Variants in TCF4 observed in about 807,000 individuals in gnomAD.
TCF4 encodes transcription factor 4.
A neutral mutation model predicts 82.1 loss-of-function variants in TCF4; 3 were observed. That is an observed-to-expected ratio of 0.04 (90% CI 0.02 to 0.09). The LOEUF (loss-of-function observed/expected upper bound fraction) is 0.09, where lower values mean the gene tolerates loss of function less well. TCF4 is among the 10% of genes least tolerant of loss of function. The probability of loss-of-function intolerance (pLI) is 1.00; values close to 1 mark genes in which losing one functional copy is unlikely to be tolerated. For missense variants in TCF4, 518 were observed against 852.7 expected (o/e 0.61, Z 4.89); for synonymous variants, 276 against 309.6 (o/e 0.89, Z 1.14).
intron 2 of TCF4, among the ~76,000 whole-genome samples, chr18:55,629,715 C>T (rs1317623252): frequency 6.6e-6 from 1 of 152,120 alleles, no homozygotes; most frequent in Non-Finnish European, 1.5e-5. Flanking sequence ...CGTAGAAGTA[C>T]AGAAGAGACC....
chr18:55,391,121 C>A (rs1456436855), intron 6 of TCF4, among the ~76,000 whole-genome samples: 1 of 152,188 alleles, frequency 6.6e-6, no homozygotes, highest in Non-Finnish European at 1.5e-5. Flanking sequence ...CCATACAAAT[C>A]TTTTACCACC....
chr18:55,333,528 T>C (rs544238186), intron 8 of TCF4, among the ~76,000 whole-genome samples: 9 of 152,196 alleles, frequency 5.9e-5, no homozygotes, highest in Admixed American at 5.2e-4. Context: ...TATATCTTAA[T>C]TTCTTTGAAT....
chr18:55,513,149 G>A (rs923271047), intron 3 of TCF4, among the ~76,000 whole-genome samples: 3 of 152,120 alleles, frequency 2.0e-5, no homozygotes, highest in Non-Finnish European at 4.4e-5. Context: ...GCATGAAGAC[G>A]ATAAAACAGC....
At chr18:55,286,731 C>T (rs557659181) in intron 8 of TCF4, among the ~76,000 whole-genome samples, 24 of 152,312 alleles carry the variant, frequency 1.6e-4, no homozygotes, top group Non-Finnish European at 2.9e-4. Context: ...AAAGCTCATT[C>T]ACCTCACATA....
intron 3 of TCF4, among the ~76,000 whole-genome samples, chr18:55,557,690 C>A (rs1018120593): frequency 6.6e-6 from 1 of 152,072 alleles, no homozygotes; most frequent in Non-Finnish European, 1.5e-5. Context: ...AAAAAGTTAT[C>A]TATTTGGAAG....
At chr18:55,461,244 C>T (rs2095863180) in intron 4 of TCF4, 129 bp from the exon 5 acceptor site, 1 of 726,590 alleles carries the variant, frequency 1.4e-6, no homozygotes, top group Non-Finnish European at 2.3e-6. Context: ...CCTGGAACTT[C>T]ACTAGAAGGA....
intron 6 of TCF4, among the ~76,000 whole-genome samples, chr18:55,371,810 A>G (rs936980899): frequency 6.6e-5 from 10 of 152,094 alleles, no homozygotes; most frequent in African/African-American, 2.4e-4. Flanking sequence ...ACAAGTCTCT[A>G]TTGTTACCCA....
intron 5 of TCF4, among the ~76,000 whole-genome samples, chr18:55,458,418 G>T (rs1192289799): frequency 6.6e-6 from 1 of 152,172 alleles, no homozygotes; most frequent in Non-Finnish European, 1.5e-5. Context: ...ATGGGCTCTG[G>T]GTCTGGACAC....
At chr18:55,293,051 T>G (rs1457359379) in intron 8 of TCF4, among the ~76,000 whole-genome samples, 1 of 152,158 alleles carries the variant, frequency 6.6e-6, no homozygotes, top group Non-Finnish European at 1.5e-5. Context: ...ACAGATGTGG[T>G]GACTGCTCAA....
chr18:55,489,287 A>T (rs957841228), intron 3 of TCF4, among the ~76,000 whole-genome samples: 5 of 152,092 alleles, frequency 3.3e-5, no homozygotes, highest in Non-Finnish European at 7.4e-5. Flanking sequence ...AAAAGTCTGA[A>T]TTTCACCAAG....
At chr18:55,507,275 A>G (rs971301163) in intron 3 of TCF4, among the ~76,000 whole-genome samples, 4 of 152,176 alleles carry the variant, frequency 2.6e-5, no homozygotes, top group Non-Finnish European at 5.9e-5. Flanking sequence ...GGCCATAGTT[A>G]AGTCAAAAAA....
chr18:55,261,383 T>C (rs1291072076), intron 12 of TCF4, 83 bp downstream of exon 12: 48 of 1,526,112 alleles, frequency 3.1e-5, no homozygotes, highest in Non-Finnish European at 4.1e-5. Flanking sequence ...CCATTCATTT[T>C]CTAAAATTCC....
At chr18:55,422,606 C>A in intron 5 of TCF4, 1 of 393,274 alleles carries the variant, frequency 2.5e-6, no homozygotes, top group Non-Finnish European at 3.5e-6. Context: ...TAATTTGCAT[C>A]TGGTGCTTTT....
chr18:55,519,949 G>A (rs149360013), intron 3 of TCF4, among the ~76,000 whole-genome samples: 2 of 152,252 alleles, frequency 1.3e-5, no homozygotes, highest in Non-Finnish European at 2.9e-5. Flanking sequence ...CACTTTAGCA[G>A]GGAATTGAAA....
intron 3 of TCF4, among the ~76,000 whole-genome samples, chr18:55,557,443 A>G (rs1171164339): frequency 6.6e-6 from 1 of 152,140 alleles, no homozygotes; most frequent in Non-Finnish European, 1.5e-5. Context: ...AGCCACACTA[A>G]TAGAAATTAC....
intron 10 of TCF4, among the ~76,000 whole-genome samples, chr18:55,270,610 A>G (rs73488967): frequency 0.067 from 10,159 of 152,222 alleles, 448 homozygotes; most frequent in African/African-American, 0.12. Context: ...CTTTCTTTCC[A>G]TGCCCCACCT....
In TCF4 at chr18:55,463,977, TGAGA is replaced by T. The variant is rs1555671780; in HGVS notation, c.207+95_207+98del. Reference sequence around the variant, plus strand: ...GTGTGTGTGTGTGTGTGTGTGTGTGTGAGAGAGAGAGAGAGAGAGAGAGAGAAAC... The same window carrying T: ...GTGTGTGTGTGTGTGTGTGTGTGTGTGAGAGAGAGAGAGAGAGAGAGAAAC... On this transcript the variant is annotated intron_variant, in intron 4 of 19. Coordinates refer to ENST00000354452, the MANE Select transcript of TCF4 (RefSeq NM_001083962.2). 7.1e-4 allele frequency: 215 copies of T among 303,558 alleles called. 2 individuals carry two copies. The highest frequency in any genetic ancestry group is 4.2e-3 in the South Asian group (85 of 20,224). The allele number at this position is 303,558 out of a possible 1,614,324, so 18.8% of individuals were successfully genotyped here.
intron 8 of TCF4, among the ~76,000 whole-genome samples, chr18:55,303,508 A>T (rs1432335822): frequency 2.0e-5 from 3 of 152,214 alleles, no homozygotes; most frequent in African/African-American, 7.2e-5. Flanking sequence ...GGGCTCAGCA[A>T]AGAACATTAC....
In TCF4 at chr18:55,351,389, C is replaced by T. The variant is rs554726405; in HGVS notation, c.370-386G>A. ...AACAAGAAGAACCTCATTTTGTGAA[C>T]GCACACAACTTCCCCTGGCTGCATA... On this transcript the variant is annotated intron_variant, in intron 6 of 19. Coordinates refer to ENST00000354452, the MANE Select transcript of TCF4 (RefSeq NM_001083962.2). The T allele has an allele frequency of 1.7e-4, 41 of 234,522 alleles. No individual in the cohort carries two copies. In the East Asian group the frequency reaches 1.8e-3, roughly 11 times the overall value. The allele number at this position is 234,522 out of a possible 1,614,324, so 14.5% of individuals were successfully genotyped here.
Sources: gnomAD v4.1 joint callset for allele counts (sites outside exome capture counted in the v4.1 genomes callset) on GRCh38, gnomAD v4.1.1 for gene constraint, MANE v1.5 for transcripts, NCBI Gene and HGNC (gene_info 2026-07-23, HGNC 2026-07-21) for gene names.